Variants in PARVB observed in about 807,000 individuals in gnomAD.
PARVB encodes the protein parvin beta, also known as beta-parvin.
A neutral mutation model predicts 47.0 loss-of-function variants in PARVB; 46 were observed. The observed-to-expected ratio is 0.98, with a 90% confidence interval of 0.77 to 1.25. The LOEUF (loss-of-function observed/expected upper bound fraction) is 1.25. Among genes scored for constraint, PARVB ranks in the 50% most tolerant of loss-of-function variants. The probability of loss-of-function intolerance (pLI) is 0.00; values close to 1 mark genes in which losing one functional copy is unlikely to be tolerated. For missense variants in PARVB, 473 were observed against 471.6 expected (o/e 1.00, Z -0.03); for synonymous variants, 196 against 196.3 (o/e 1.00, Z 0.01).
At chr22:44,102,346 T>C (rs1488528343) in intron 3 of PARVB, among the ~76,000 whole-genome samples, 2 of 152,216 alleles carry the variant, frequency 1.3e-5, no homozygotes, top group Non-Finnish European at 2.9e-5. Context: ...AGAAACAATG[T>C]TTCATTGGCT....
rs573661168 is a variant in PARVB, at chr22:44,100,084, C to T, written c.234C>T (p.Pro78=). The T allele has an allele frequency of 1.8e-5, 29 of 1,614,110 alleles. No individual in the cohort carries two copies. In the East Asian group the frequency reaches 2.0e-4, roughly 11 times the overall value. ...ACGAGGAGCGCACGATGATTGACCC[C>T]ACTTCCAAGGAAGACCCCAAGTTCA... ...EENEERTMID[P]TSKEDPKFKE... The change falls in exon 3 of 13, where the codon CCC becomes CCT. Residue 78 remains proline, a synonymous_variant. Transcript: ENST00000338758.
In PARVB at chr22:44,057,319, G is replaced by A. The variant is rs186792851; in HGVS notation, c.112+32868G>A. On this transcript the variant is annotated intron_variant, in intron 1 of 12. Coordinates refer to ENST00000338758, the MANE Select transcript of PARVB (RefSeq NM_013327.5). Reference sequence around the variant, plus strand: ...AATGATAATTTTATGAGCCAGTCGAGTCATATATAATGGGATTATTTGGTT... The same window carrying A: ...AATGATAATTTTATGAGCCAGTCGAATCATATATAATGGGATTATTTGGTT... Among the ~76,000 whole-genome samples the A allele has an allele frequency of 3.3e-5, 5 of 152,268 alleles. No homozygotes were observed. In the East Asian group the frequency reaches 9.6e-4, roughly 29 times the overall value.
At chr22:44,004,227 C>T (rs1219275149) in intron 2 of PARVB, among the ~76,000 whole-genome samples, 1 of 152,248 alleles carries the variant, frequency 6.6e-6, no homozygotes, top group African/African-American at 2.4e-5. Flanking sequence ...TGGGTACCCC[C>T]TGCTGGCAGA....
At position 44,055,674 on chromosome 22, in the gene PARVB, C is replaced by CTA. The variant is rs1263427845; in HGVS notation, c.112+31224_112+31225insAT. Among the ~76,000 whole-genome samples the CTA allele has an allele frequency of 1.1e-3, 148 of 137,052 alleles. 3 individuals are homozygous for CTA. The highest frequency in any genetic ancestry group is 4.0e-3 in the Admixed American group (54 of 13,432). 89.9% of individuals were successfully genotyped at this position (137,052 alleles called of 152,430 possible). A position where few individuals can be genotyped will look rare whatever the true frequency, so the allele number is the denominator to read the frequency against. ...TCTATCCATCTCTCTCTCTCTCTCT[C>CTA]TCTCTATATATATATATATTTGAAG... On this transcript the variant is annotated intron_variant, in intron 1 of 12. Coordinates refer to ENST00000338758, the MANE Select transcript of PARVB (RefSeq NM_013327.5).
In PARVB at chr22:44,101,364, C is replaced by T. The variant is rs538786385; in HGVS notation, c.273+1241C>T. Among the ~76,000 whole-genome samples the T allele has an allele frequency of 7.3e-5, 11 of 151,634 alleles. No individual in the cohort carries two copies. The South Asian group carries it at 1.0e-3, about 14-fold the overall frequency. On this transcript the variant is annotated intron_variant, in intron 3 of 12. Transcript: ENST00000338758. ...GGCGGAGCCTGCAGTGAGCCGAGATCGCGCCACTGCACTCCAACCTGGGCG... is the reference window on the plus strand; with the variant it reads ...GGCGGAGCCTGCAGTGAGCCGAGATTGCGCCACTGCACTCCAACCTGGGCG...
At chr22:43,999,854 A>AAC (rs2050396429) in intron 2 of PARVB, among the ~76,000 whole-genome samples, 1 of 150,398 alleles carries the variant, frequency 6.6e-6, no homozygotes, top group East Asian at 1.9e-4. Flanking sequence ...AAAAAAAAAA[A>AAC]AAAACAGCTG....
At chr22:44,053,992 T>C (rs1200811389) in intron 1 of PARVB, among the ~76,000 whole-genome samples, 10 of 152,148 alleles carry the variant, frequency 6.6e-5, no homozygotes, top group Non-Finnish European at 1.5e-4. Flanking sequence ...ATATGCACGA[T>C]TGACAGCCAT....
At chr22:44,057,881 C>A (rs1432286903) in intron 1 of PARVB, among the ~76,000 whole-genome samples, 1 of 152,010 alleles carries the variant, frequency 6.6e-6, no homozygotes, top group Non-Finnish European at 1.5e-5. Context: ...CAGGAGCCTC[C>A]CAGTGTGGCA....
At chr22:44,075,992 C>T (rs1601564915) in intron 1 of PARVB, among the ~76,000 whole-genome samples, 1 of 152,274 alleles carries the variant, frequency 6.6e-6, no homozygotes, top group East Asian at 1.9e-4. Flanking sequence ...ATTGTCTAAA[C>T]TGATGGCCGT....
intron 5 of PARVB, among the ~76,000 whole-genome samples, chr22:44,132,268 C>T (rs537801901): frequency 2.0e-5 from 3 of 152,254 alleles, no homozygotes; most frequent in South Asian, 4.1e-4. Context: ...TTCTTGGTAT[C>T]GAGACCTTGG....
At chr22:44,140,465 A>G in intron 8 of PARVB, 3 of 662,016 alleles carry the variant, frequency 4.5e-6, no homozygotes, top group South Asian at 1.4e-5. Context: ...GGTTGAGGGT[A>G]AAAGGGAGGG....
At chr22:44,136,630 C>T in intron 7 of PARVB, 112 bp downstream of exon 7, 4 of 812,340 alleles carry the variant, frequency 4.9e-6, no homozygotes, top group Non-Finnish European at 6.5e-6. Context: ...TCCCGCTCCA[C>T]ACCCCTTCTC....
intron 6 of PARVB, 53 bp downstream of exon 6, chr22:44,133,062 T>A: frequency 7.9e-7 from 1 of 1,260,656 alleles, no homozygotes; most frequent in Non-Finnish European, 1.1e-6. Context: ...AGAGGCAACA[T>A]CTTCCTCCTG....
chr22:44,034,025 C>T (rs1018077208), intron 1 of PARVB, among the ~76,000 whole-genome samples: 1 of 150,948 alleles, frequency 6.6e-6, no homozygotes, highest in Admixed American at 6.6e-5. Flanking sequence ...GGGCCTCATG[C>T]GCATATGGTA....
intron 1 of PARVB, chr22:44,081,749 G>A (rs1419005480): frequency 2.0e-5 from 7 of 349,388 alleles, no homozygotes; most frequent in African/African-American, 4.4e-5. Flanking sequence ...GGCTGGGCTC[G>A]GAGGGGCGGT....
At chr22:44,036,949 C>T (rs952911329) in intron 1 of PARVB, among the ~76,000 whole-genome samples, 5 of 151,322 alleles carry the variant, frequency 3.3e-5, no homozygotes, top group Admixed American at 6.6e-5. Flanking sequence ...TGCGCCACTG[C>T]ACTGCAGCTG....
chr22:44,087,211 CG>C (rs1032875009), intron 1 of PARVB, among the ~76,000 whole-genome samples: 2 of 152,172 alleles, frequency 1.3e-5, no homozygotes, highest in African/African-American at 4.8e-5. Flanking sequence ...CTGGTTCAGA[CG>C]GGGCCCTCTG....
At chr22:44,021,085 C>T (rs540391534), upstream of PARVB, among the ~76,000 whole-genome samples, 22 of 152,308 alleles carry the variant, frequency 1.4e-4, no homozygotes, top group South Asian at 4.1e-3. Context: ...GCCTGGCCCC[C>T]CTTTTGGGTT....
chr22:44,088,285 G>A (rs945099009), intron 1 of PARVB, among the ~76,000 whole-genome samples: 1 of 152,204 alleles, frequency 6.6e-6, no homozygotes, highest in African/African-American at 2.4e-5. Context: ...CAGCTGGGGA[G>A]AGGGGAACAC....
Sources: allele counts gnomAD v4.1 joint callset (sites outside exome capture counted in the v4.1 genomes callset), GRCh38; gene constraint gnomAD v4.1.1; transcripts MANE v1.5; gene names NCBI Gene and HGNC (gene_info 2026-07-23, HGNC 2026-07-21).